Variants in DYNC2LI1 observed in about 807,000 individuals in gnomAD.
DYNC2LI1 encodes the protein cytoplasmic dynein 2 light intermediate chain 1.
DYNC2LI1 carries 45 observed loss-of-function variants against 51.9 expected under a neutral mutation model. The ratio of observed to expected loss-of-function variants is 0.87; its 90% CI spans 0.68 to 1.11. DYNC2LI1 has a LOEUF of 1.11. Ranked by LOEUF, DYNC2LI1 falls within the 50% of genes most tolerant of loss-of-function variation. The probability of loss-of-function intolerance (pLI) is 0.00; values close to 1 mark genes in which losing one functional copy is unlikely to be tolerated. For synonymous variants in DYNC2LI1, 130 were observed against 137.8 expected (o/e 0.94, Z 0.40); for missense variants, 490 against 417.4 (o/e 1.17, Z -1.51).
chr2:43,826,466 C>G, the DYNC2LI1 span: 1 of 1,614,188 alleles, frequency 6.2e-7, no homozygotes, highest in Non-Finnish European at 8.5e-7. Flanking sequence ...GGACGACAAT[C>G]TGATTAGCAG....
At chr2:43,812,225 T>C (rs901232046), downstream of DYNC2LI1, among the ~76,000 whole-genome samples, 3 of 152,012 alleles carry the variant, frequency 2.0e-5, no homozygotes, top group Non-Finnish European at 2.9e-5. Flanking sequence ...TATGTCAGCA[T>C]TTTTTTCTAT....
downstream of DYNC2LI1, chr2:43,812,659 A>G (rs1666543152): frequency 1.6e-5 from 3 of 193,058 alleles, no homozygotes; most frequent in African/African-American, 4.8e-5. Flanking sequence ...TTCTTACCCA[A>G]TTCTGCATGA....
chr2:43,818,390 G>A, the DYNC2LI1 span, among the ~76,000 whole-genome samples: 1 of 152,230 alleles, frequency 6.6e-6, no homozygotes, highest in African/African-American at 2.4e-5. Context: ...GTTGCAGTGA[G>A]CTGAGATCGC....
chr2:43,824,344 TTTC>T, the DYNC2LI1 span: 2 of 1,614,210 alleles, frequency 1.2e-6, no homozygotes, highest in Non-Finnish European at 1.7e-6. Flanking sequence ...AAATTGCTGA[TTTC>T]TTGTAGGCAG....
chr2:43,778,104 G>T (rs979979129), intron 2 of DYNC2LI1, among the ~76,000 whole-genome samples: 1 of 151,666 alleles, frequency 6.6e-6, no homozygotes, highest in Non-Finnish European at 1.5e-5. Flanking sequence ...TAAAATTATC[G>T]TAGAGATCAT....
intron 4 of DYNC2LI1, among the ~76,000 whole-genome samples, chr2:43,789,178 G>A (rs1265476913): frequency 1.3e-5 from 2 of 152,070 alleles, no homozygotes; most frequent in Non-Finnish European, 1.5e-5. Context: ...TTTTCTTCAT[G>A]CTTTACGTGT....
At chr2:43,827,739 C>A in the DYNC2LI1 span, among the ~76,000 whole-genome samples, 1 of 152,190 alleles carries the variant, frequency 6.6e-6, no homozygotes, top group African/African-American at 2.4e-5. Context: ...CCCAATGGAA[C>A]ACTTCAACAC....
chr2:43,795,373 A>G (rs7569333), intron 6 of DYNC2LI1, among the ~76,000 whole-genome samples: 26,087 of 151,910 alleles, frequency 0.17, 3,410 homozygotes, highest in African/African-American at 0.35. Flanking sequence ...GTGTGGTGGT[A>G]CATGCCTGTA....
Position 43,794,401 on chromosome 2 carries a change from A to G in DYNC2LI1, c.321-56A>G, listed in dbSNP as rs1673934435. The G allele has an allele frequency of 2.7e-6, 4 of 1,500,654 alleles. No homozygotes were observed. In the Admixed American group the frequency reaches 6.2e-5, roughly 23 times the overall value. 93.0% of individuals were successfully genotyped at this position (1,500,654 alleles called of 1,614,324 possible). ...CTTAGATAAATTTCAGTACATTAGGATTTCAAAATGGTAATTATTTTGAGT... is the reference window on the plus strand; with the variant it reads ...CTTAGATAAATTTCAGTACATTAGGGTTTCAAAATGGTAATTATTTTGAGT... On this transcript the variant is annotated intron_variant, in intron 5 of 12. Coordinates refer to ENST00000260605, the MANE Select transcript of DYNC2LI1 (RefSeq NM_016008.4).
intron 3 of DYNC2LI1, among the ~76,000 whole-genome samples, chr2:43,784,381 CCAGCTTAGGATAAAATA>C (rs1463727876): frequency 6.6e-6 from 1 of 152,048 alleles, no homozygotes; most frequent in Non-Finnish European, 1.5e-5. Flanking sequence ...TAATACAACA[CCAGCTTAGGATAAAATA>C]CTACAAAATA....
chr2:43,788,395 AT>A (rs950257937), intron 4 of DYNC2LI1, among the ~76,000 whole-genome samples: 5 of 151,964 alleles, frequency 3.3e-5, no homozygotes, highest in African/African-American at 4.8e-5. Context: ...AACTTGTGTA[AT>A]TTTTTTTCTA....
chr2:43,783,360 T>C (rs906099923), intron 2 of DYNC2LI1, among the ~76,000 whole-genome samples, 160 bp from the exon 3 acceptor site: 4 of 152,220 alleles, frequency 2.6e-5, no homozygotes, highest in African/African-American at 4.8e-5. Flanking sequence ...TTTCCACTTA[T>C]CAAACTTTAG....
intron 1 of DYNC2LI1, chr2:43,775,737 G>A (rs974092316): frequency 7.1e-5 from 27 of 381,666 alleles, no homozygotes; most frequent in African/African-American, 5.9e-4. Context: ...GCCCAGGCTG[G>A]AGTGCAGTGG....
At chr2:43,826,420 C>T in the DYNC2LI1 span, 1 of 1,614,042 alleles carries the variant, frequency 6.2e-7, no homozygotes, top group Non-Finnish European at 8.5e-7. Flanking sequence ...ATGGTGAGAA[C>T]CACAATTCGG....
At chr2:43,795,128 G>A (rs752507529) in intron 6 of DYNC2LI1, 1 of 994,660 alleles carries the variant, frequency 1.0e-6, no homozygotes, top group East Asian at 1.1e-4. Flanking sequence ...AAGTTGCTAT[G>A]ATGGTAACAC....
intron 3 of DYNC2LI1, among the ~76,000 whole-genome samples, chr2:43,786,622 A>C (rs979631442): frequency 6.6e-6 from 1 of 152,142 alleles, no homozygotes; most frequent in South Asian, 2.1e-4. Context: ...CAGGAGATCT[A>C]GACCATCCTG....
At chr2:43,780,647 A>C (rs1249921427) in intron 2 of DYNC2LI1, among the ~76,000 whole-genome samples, 1 of 152,082 alleles carries the variant, frequency 6.6e-6, no homozygotes, top group Non-Finnish European at 1.5e-5. Flanking sequence ...AAAGGCTGAG[A>C]TATTGGGGAG....
chr2:43,827,841 G>A, the DYNC2LI1 span: 17 of 1,333,782 alleles, frequency 1.3e-5, no homozygotes, highest in South Asian at 2.2e-4. Flanking sequence ...AAAAAACTGG[G>A]TCCTCAGTTT....
chr2:43,785,052 C>A (rs899678538), intron 3 of DYNC2LI1, among the ~76,000 whole-genome samples: 6 of 152,064 alleles, frequency 3.9e-5, no homozygotes, highest in African/African-American at 1.4e-4. Flanking sequence ...AATCCTAGCA[C>A]TTTGGGAGGG....
Sources: allele counts gnomAD v4.1 joint callset (sites outside exome capture counted in the v4.1 genomes callset), GRCh38; gene constraint gnomAD v4.1.1; transcripts MANE v1.5; gene names NCBI Gene and HGNC (gene_info 2026-07-23, HGNC 2026-07-21).